ESRRB: variants seen among roughly 807,000 people sequenced by gnomAD.
ESRRB encodes estrogen related receptor beta, also known as steroid hormone receptor ERR2.
ESRRB carries 16 observed loss-of-function variants against 46.0 expected under a neutral mutation model. The ratio of observed to expected loss-of-function variants is 0.35; its 90% CI spans 0.24 to 0.53. The LOEUF is 0.53. ESRRB is among the 20% of genes least tolerant of loss of function. ESRRB has a pLI of 0.93. For synonymous variants in ESRRB, 246 were observed against 259.6 expected, an observed-to-expected ratio of 0.95 and a Z score of 0.50; for missense variants, 488 against 607.4, an observed-to-expected ratio of 0.80 and a Z score of 2.07.
At chr14:76,407,772 T>G (rs112135548) in intron 1 of ESRRB, among the ~76,000 whole-genome samples, 2,022 of 152,176 alleles carry the variant, frequency 0.013, 48 homozygotes, top group African/African-American at 0.046. Context: ...GGGACAGAGG[T>G]GCTGGCACTG....
rs563575581 is a variant in ESRRB, at chr14:76,498,365, C to G, written c.1272C>G (p.Ala424=). Residue 424 remains alanine (A), a synonymous_variant, in exon 7 of 7, where the codon GCC becomes GCG. Transcript: ENST00000644823. ...LLTLPLLRQT[A]AKAVQHFYSV... Reference sequence around the variant, plus strand: ...CACTGCCGCTGCTGCGGCAGACGGCCGCCAAGGCCGTGCAGCACTTCTATA... The same window carrying G: ...CACTGCCGCTGCTGCGGCAGACGGCGGCCAAGGCCGTGCAGCACTTCTATA... The G allele has an allele frequency of 6.2e-7, 1 of 1,612,812 alleles. No individual in the cohort carries two copies. The highest frequency in any genetic ancestry group is 1.1e-5 in the South Asian group (1 of 91,052).
intron 1 of ESRRB, among the ~76,000 whole-genome samples, chr14:76,361,237 T>A (rs936878853): frequency 3.3e-5 from 5 of 152,166 alleles, no homozygotes; most frequent in African/African-American, 1.2e-4. Context: ...CTACGACTCA[T>A]GTGCTTATCC....
chr14:76,498,644 G>GGGGGGGGGGGT lies in ESRRB; in HGVS notation c.*186_*187insGGGGGGGGGGT. 1 of 462,808 alleles carries GGGGGGGGGGGT rather than the reference G, an allele frequency of 2.2e-6. No homozygotes were observed. Among genetic ancestry groups the GGGGGGGGGGGT allele is most frequent in the Non-Finnish European group, 4.2e-6 (1 of 240,398 alleles). The allele number at this position is 462,808 out of a possible 1,614,324, so 28.7% of individuals were successfully genotyped here. ...CGGGTGCAGTGGGGTGGGGGACGGG[G>GGGGGGGGGGGT]ATGGGGGGGCAGGGGTGTGGGGCTC... is the stretch of plus-strand genomic sequence containing the variant. On this transcript the variant is annotated 3_prime_UTR_variant, in exon 7 of 7. Coordinates refer to ENST00000644823, the MANE Select transcript of ESRRB (RefSeq NM_001379180.1).
At chr14:76,388,994 C>T (rs999174311) in intron 1 of ESRRB, among the ~76,000 whole-genome samples, 6 of 152,178 alleles carry the variant, frequency 3.9e-5, no homozygotes, top group Admixed American at 6.5e-5. Context: ...CAGCATCACA[C>T]TCTAAACCTG....
chr14:76,344,973 G>A (rs116618055), intron 1 of ESRRB, among the ~76,000 whole-genome samples: 6 of 151,802 alleles, frequency 4.0e-5, no homozygotes, highest in Non-Finnish European at 7.4e-5. Flanking sequence ...TTATCTACTC[G>A]TTGATTGATG....
rs1566849917 is a variant in ESRRB, at chr14:76,318,607, A to ATGTG, written c.2+7692_2+7693insGTGT. ...TCTCCACTTCACACTCAGTTTCCTC[A>ATGTG]TCTGTAAAATATGGGTTATAAGAAC... On this transcript the variant is annotated intron_variant, in intron 1 of 6. Coordinates refer to the ESRRB transcript ENST00000512784. Among the ~76,000 whole-genome samples, 487 of 152,274 alleles carry ATGTG rather than the reference A, an allele frequency of 3.2e-3. 4 individuals carry two copies. The highest frequency in any genetic ancestry group is 0.011 in the African/African-American group (445 of 41,538).
chr14:76,369,819 C>A (rs1187396241), upstream of ESRRB, among the ~76,000 whole-genome samples: 1 of 152,150 alleles, frequency 6.6e-6, no homozygotes, highest in African/African-American at 2.4e-5. Context: ...CACTTAACAA[C>A]AATACAAGTG....
intron 6 of ESRRB, among the ~76,000 whole-genome samples, chr14:76,494,550 A>G (rs540442894): frequency 3.4e-4 from 51 of 152,178 alleles, no homozygotes; most frequent in African/African-American, 1.2e-3. Context: ...CAGGTGATCC[A>G]CCCACCTCAG....
At chr14:76,425,822 C>A (rs1470725081) in intron 1 of ESRRB, among the ~76,000 whole-genome samples, 1 of 152,126 alleles carries the variant, frequency 6.6e-6, no homozygotes, top group Non-Finnish European at 1.5e-5. Flanking sequence ...CACCTGGGTT[C>A]AAGTGATTCT....
At chr14:76,356,105 C>G (rs1469272873) in intron 1 of ESRRB, among the ~76,000 whole-genome samples, 1 of 152,198 alleles carries the variant, frequency 6.6e-6, no homozygotes, top group Non-Finnish European at 1.5e-5. Context: ...TGCTCCACAG[C>G]CCTTTCTCAT....
chr14:76,449,317 C>T (rs538549828), intron 2 of ESRRB, among the ~76,000 whole-genome samples: 2 of 151,918 alleles, frequency 1.3e-5, no homozygotes, highest in African/African-American at 2.4e-5. Flanking sequence ...TTTGGGAGGC[C>T]GAGGCGGGTG....
chr14:76,356,089 A>G (rs1884375696), intron 1 of ESRRB, among the ~76,000 whole-genome samples: 1 of 152,246 alleles, frequency 6.6e-6, no homozygotes, highest in Non-Finnish European at 1.5e-5. Flanking sequence ...TGTCATTGAC[A>G]TGACCTGCTC....
chr14:76,482,008 C>T lies in ESRRB; in HGVS notation c.578-8C>T. The T allele has an allele frequency of 6.2e-7, 1 of 1,613,076 alleles. No individual in the cohort carries two copies. The highest frequency in any genetic ancestry group is 8.5e-7 in the Non-Finnish European group (1 of 1,179,058). ...CTGCTGAGATCTTTTCCCTTTCCTC[C>T]CCAATAGGTGTGCGCCTTGATCGAG... is the stretch of plus-strand genomic sequence containing the variant. On this transcript the variant is annotated splice_region_variant and splice_polypyrimidine_tract_variant and intron_variant, in intron 3 of 6. Coordinates refer to ENST00000644823, the MANE Select transcript of ESRRB (RefSeq NM_001379180.1). The surrounding 1 kb of genome is among the most constrained non-coding windows in gnomAD (Gnocchi z 4.3).
intron 6 of ESRRB, among the ~76,000 whole-genome samples, chr14:76,492,684 A>G (rs1405172998): frequency 6.6e-6 from 1 of 152,206 alleles, no homozygotes; most frequent in Non-Finnish European, 1.5e-5. Context: ...CACTCCTTGA[A>G]TCTTTCAGTC....
Position 76,382,218 on chromosome 14 carries a change from G to A in ESRRB, c.50+5767G>A, listed in dbSNP as rs560797083. 7.2e-5 allele frequency among the ~76,000 whole-genome samples: 11 copies of A among 152,280 alleles called. No homozygotes were observed. In the East Asian group the frequency reaches 2.1e-3, roughly 29 times the overall value. ...TTAAGATGGGGTGACAGTGGACAGG[G>A]GTCTCTGCTATTTAAACATGTTCCT... On this transcript the variant is annotated intron_variant, in intron 1 of 6. Transcript: ENST00000644823.
upstream of ESRRB, among the ~76,000 whole-genome samples, chr14:76,368,126 CTTTTT>C (rs751709764): frequency 0.15 from 18,734 of 124,360 alleles, 1,274 homozygotes; most frequent in Middle Eastern, 0.23. Flanking sequence ...CTAATTTTTC[CTTTTT>C]TTTTTTTTTT....
chr14:76,468,411 C>T (rs991671721), intron 3 of ESRRB, among the ~76,000 whole-genome samples: 2 of 90,296 alleles, frequency 2.2e-5, no homozygotes, highest in African/African-American at 1.0e-4. Context: ...AACACCACCA[C>T]CCCCCAAACA....
intron 2 of ESRRB, among the ~76,000 whole-genome samples, chr14:76,452,185 C>T (rs1888411067): frequency 6.6e-6 from 1 of 152,030 alleles, no homozygotes; most frequent in Non-Finnish European, 1.5e-5. Context: ...CATGAGCCAC[C>T]TGCCTTGGCC....
At chr14:76,466,528 T>C (rs1456247940) in intron 3 of ESRRB, among the ~76,000 whole-genome samples, 4 of 152,142 alleles carry the variant, frequency 2.6e-5, no homozygotes, top group Non-Finnish European at 5.9e-5. Flanking sequence ...CCCTGGAACA[T>C]CCAGAGCAGA....
Sources: allele counts gnomAD v4.1 joint callset (sites outside exome capture counted in the v4.1 genomes callset), GRCh38; gene constraint gnomAD v4.1.1; non-coding constraint Gnocchi (gnomAD v3.1); transcripts MANE v1.5; gene names NCBI Gene and HGNC (gene_info 2026-07-23, HGNC 2026-07-21).